GLRB: variants seen among roughly 807,000 people sequenced by gnomAD.
GLRB encodes glycine receptor beta, also known as glycine receptor subunit beta.
Under a neutral mutation model 54.2 loss-of-function variants are expected in GLRB, and 33 were observed. The ratio of observed to expected loss-of-function variants is 0.61; its 90% confidence interval spans 0.46 to 0.81. GLRB has a LOEUF of 0.81. Among genes scored for constraint, GLRB ranks in the 40% least tolerant of loss-of-function variants. GLRB has a pLI of 0.00. For synonymous variants in GLRB, 209 were observed against 208.2 expected (o/e 1.00, Z -0.03); for missense variants, 572 against 584.6 (o/e 0.98, Z 0.22).
At chr4:157,103,935 GTGTT>G (rs1735129894) in intron 2 of GLRB, among the ~76,000 whole-genome samples, 1 of 150,890 alleles carries the variant, frequency 6.6e-6, no homozygotes, top group Non-Finnish European at 1.5e-5. Context: ...CTGTGTGTGT[GTGTT>G]TGTGTGTGTG....
intron 2 of GLRB, among the ~76,000 whole-genome samples, chr4:157,101,114 T>G (rs1221370015): frequency 1.3e-5 from 2 of 152,032 alleles, no homozygotes; most frequent in Non-Finnish European, 2.9e-5. Context: ...AAATTTGCAT[T>G]CAAAGAACAT....
intron 7 of GLRB, among the ~76,000 whole-genome samples, chr4:157,141,630 G>T (rs935016457): frequency 2.6e-5 from 4 of 151,872 alleles, no homozygotes; most frequent in Middle Eastern, 3.2e-3. Flanking sequence ...AAAGTAAATT[G>T]AATTTGCCCA....
At chr4:157,094,791 A>G (rs1212173299) in intron 2 of GLRB, among the ~76,000 whole-genome samples, 1 of 152,318 alleles carries the variant, frequency 6.6e-6, no homozygotes, top group Non-Finnish European at 1.5e-5. Flanking sequence ...TTGGTAAACC[A>G]TTTGTAAGCA....
At chr4:157,153,661 A>T (rs1343840516) in intron 9 of GLRB, among the ~76,000 whole-genome samples, 1 of 152,138 alleles carries the variant, frequency 6.6e-6, no homozygotes, top group Non-Finnish European at 1.5e-5. Context: ...GGCAATGGTA[A>T]ATTTCAACGT....
chr4:157,135,066 G>A (rs1053260596), intron 4 of GLRB, among the ~76,000 whole-genome samples: 4 of 152,054 alleles, frequency 2.6e-5, no homozygotes, highest in Non-Finnish European at 5.9e-5. Context: ...ATAATGGTAT[G>A]ATAGTAATAT....
At chr4:157,095,599 A>G (rs560773635) in intron 2 of GLRB, among the ~76,000 whole-genome samples, 1 of 152,248 alleles carries the variant, frequency 6.6e-6, no homozygotes, top group Non-Finnish European at 1.5e-5. Flanking sequence ...GTGACTGGGA[A>G]TGAGGTTGAA....
chr4:157,116,090 G>C (rs1390527694), intron 2 of GLRB, among the ~76,000 whole-genome samples: 1 of 151,804 alleles, frequency 6.6e-6, no homozygotes, highest in Non-Finnish European at 1.5e-5. Context: ...AGAAAACTGA[G>C]CTTCCTCCTT....
intron 2 of GLRB, among the ~76,000 whole-genome samples, chr4:157,088,091 T>G (rs1317405453): frequency 6.6e-6 from 1 of 152,172 alleles, no homozygotes; most frequent in Admixed American, 6.5e-5. Context: ...GAAGCACTTA[T>G]TAAATTGCTA....
intron 9 of GLRB, among the ~76,000 whole-genome samples, chr4:157,165,455 G>A (rs2126630010): frequency 6.6e-6 from 1 of 151,950 alleles, no homozygotes; most frequent in African/African-American, 2.4e-5. Flanking sequence ...ATATAATTTG[G>A]ATTGTAGGAA....
intron 2 of GLRB, among the ~76,000 whole-genome samples, chr4:157,101,167 G>A (rs1435784704): frequency 1.3e-5 from 2 of 151,978 alleles, no homozygotes; most frequent in African/African-American, 2.4e-5. Flanking sequence ...AAAATTACAG[G>A]TGATAGATGA....
At chr4:157,081,671 A>C (rs146082056) in intron 2 of GLRB, among the ~76,000 whole-genome samples, 1 of 152,304 alleles carries the variant, frequency 6.6e-6, no homozygotes, top group East Asian at 1.9e-4. Context: ...TTTCATTCCC[A>C]TGTGGGACAT....
intron 4 of GLRB, 49 bp from the exon 5 acceptor site, chr4:157,136,420 A>G: frequency 9.2e-7 from 1 of 1,084,280 alleles, no homozygotes; most frequent in South Asian, 1.3e-5. Context: ...ATAAGTTCTT[A>G]AAAATAGCAA....
chr4:157,118,875 C>T (rs966252073), intron 2 of GLRB, among the ~76,000 whole-genome samples: 4 of 151,488 alleles, frequency 2.6e-5, no homozygotes, highest in Admixed American at 2.6e-4. Flanking sequence ...ACAGAAAAGG[C>T]TGTGCTAGGT....
intron 4 of GLRB, among the ~76,000 whole-genome samples, chr4:157,131,365 T>G (rs900191524): frequency 1.3e-5 from 2 of 151,796 alleles, no homozygotes; most frequent in Admixed American, 1.3e-4. Flanking sequence ...GACAAAAATG[T>G]CACTTAGTAA....
At chr4:157,080,924 AG>A (rs2126418038) in intron 2 of GLRB, among the ~76,000 whole-genome samples, 1 of 152,236 alleles carries the variant, frequency 6.6e-6, no homozygotes, top group African/African-American at 2.4e-5. Context: ...CTGTAAATAG[AG>A]GAAACATGTT....
intron 2 of GLRB, among the ~76,000 whole-genome samples, chr4:157,092,882 G>A (rs1025976164): frequency 5.3e-5 from 8 of 152,102 alleles, no homozygotes; most frequent in South Asian, 2.1e-4. Context: ...TTGTTTATTT[G>A]GAAGTCTCGA....
intron 3 of GLRB, 64 bp downstream of exon 3, chr4:157,120,726 A>ATTGTTTTTTTT: frequency 1.3e-6 from 1 of 774,000 alleles, no homozygotes; most frequent in South Asian, 1.4e-5. Flanking sequence ...ATGTTTAGAG[A>ATTGTTTTTTTT]TTTGTGATAT....
At chr4:157,100,092 TTTC>T (rs1734962333) in intron 2 of GLRB, among the ~76,000 whole-genome samples, 1 of 152,214 alleles carries the variant, frequency 6.6e-6, no homozygotes, top group South Asian at 2.1e-4. Flanking sequence ...GCATTTTAAC[TTTC>T]TTAACAGTAT....
At chr4:157,114,081 T>C (rs940322462) in intron 2 of GLRB, among the ~76,000 whole-genome samples, 7 of 152,010 alleles carry the variant, frequency 4.6e-5, no homozygotes, top group Non-Finnish European at 7.4e-5. Context: ...TTTGTCTGTC[T>C]TTGTATGTCT....
Sources: gnomAD v4.1 joint callset for allele counts (sites outside exome capture counted in the v4.1 genomes callset) on GRCh38, gnomAD v4.1.1 for gene constraint, MANE v1.5 for transcripts, NCBI Gene and HGNC (gene_info 2026-07-23, HGNC 2026-07-21) for gene names.